WWOX: variants seen among roughly 807,000 people sequenced by gnomAD.
WWOX encodes WW domain containing oxidoreductase, also known as WW domain-containing oxidoreductase.
Under a neutral mutation model 46.2 loss-of-function variants are expected in WWOX, and 69 were observed. That is an observed-to-expected ratio of 1.49 (90% CI 1.23 to 1.82). The LOEUF (loss-of-function observed/expected upper bound fraction) is 1.82. WWOX is among the 40% of genes most tolerant of loss of function. The probability of loss-of-function intolerance (pLI) is 0.00; values close to 1 mark genes in which losing one functional copy is unlikely to be tolerated. For synonymous variants in WWOX, 359 were observed against 202.6 expected (o/e 1.77, Z -6.56); for missense variants, 919 against 542.6 (o/e 1.69, Z -6.89).
chr16:78,997,935 G>C (rs1443159563), intron 8 of WWOX, among the ~76,000 whole-genome samples: 1 of 152,002 alleles, frequency 6.6e-6, no homozygotes, highest in Non-Finnish European at 1.5e-5. Context: ...GGAGTACAAT[G>C]GCGCGATCTC....
chr16:78,424,961 C>A lies in WWOX; in HGVS notation c.697C>A (p.His233Asn), dbSNP rs757863128. 1.2e-5 allele frequency: 20 copies of A among 1,614,038 alleles called. No homozygotes were observed. The highest frequency in any genetic ancestry group is 4.0e-5 in the African/African-American group (3 of 74,916). Residue 233 changes from histidine (H) to asparagine (N), a missense_variant, in exon 7 of 9, where the codon CAT (histidine) becomes AAT (asparagine). By Grantham distance (68) the His-to-Asn change is moderately conservative. Coordinates refer to ENST00000566780, the MANE Select transcript of WWOX (RefSeq NM_016373.4). The stretch of plus-strand genomic sequence containing the variant: ...CCTGGAGACCACCTTTCAAGTGAAT[C>A]ATCTGGGGCACTTCTACCTTGTCCA... ...DGLETTFQVN[H>N]LGHFYLVQLL...
chr16:78,679,170 C>G (rs17708443), intron 8 of WWOX, among the ~76,000 whole-genome samples: 16,386 of 152,106 alleles, frequency 0.11, 1,104 homozygotes, highest in South Asian at 0.18. Flanking sequence ...CAGTGACCTG[C>G]TTTGTGAAAG....
chr16:79,089,118 T>C (rs1278967994), intron 8 of WWOX, among the ~76,000 whole-genome samples: 1 of 152,158 alleles, frequency 6.6e-6, no homozygotes, highest in Non-Finnish European at 1.5e-5. Flanking sequence ...ATGTGACTTT[T>C]CATCAGGAAG....
intron 8 of WWOX, among the ~76,000 whole-genome samples, chr16:79,180,637 T>G (rs1409586363): frequency 6.6e-6 from 1 of 150,618 alleles, no homozygotes; most frequent in Non-Finnish European, 1.5e-5. Flanking sequence ...CTTAATTTGC[T>G]TCTTTCTTTT....
chr16:78,593,374 T>G (rs765722032), intron 8 of WWOX, among the ~76,000 whole-genome samples: 2 of 152,080 alleles, frequency 1.3e-5, no homozygotes, highest in Non-Finnish European at 2.9e-5. Context: ...TAACTGACAG[T>G]TTTGTCTGCC....
chr16:79,122,531 C>G (rs191436281), intron 8 of WWOX, among the ~76,000 whole-genome samples: 54 of 151,650 alleles, frequency 3.6e-4, no homozygotes, highest in Non-Finnish European at 6.6e-4. Flanking sequence ...TTCCTTCTCT[C>G]TATCCTTCCT....
At chr16:78,802,930 AAAAAAAAAAAAAC>A (rs2050930147) in intron 8 of WWOX, among the ~76,000 whole-genome samples, 1 of 117,908 alleles carries the variant, frequency 8.5e-6, no homozygotes, top group Admixed American at 8.5e-5. Context: ...AAAAAAAAAA[AAAAAAAAAAAAAC>A]AACAAACAGA....
chr16:78,825,820 G>C lies in WWOX; in HGVS notation c.1057-385788G>C, dbSNP rs1489903825. On this transcript the variant is annotated intron_variant, in intron 8 of 8. Transcript: ENST00000566780. ...ATGTGCTGCTCAGATAGGGTTTTCT[G>C]GGCATCAAGGTGAAGGTCATGCTGC... is the stretch of plus-strand genomic sequence containing the variant. 5.0e-6 allele frequency: 3 copies of C among 594,908 alleles called. No individual in the cohort carries two copies. In the Admixed American group the frequency reaches 7.0e-5, roughly 14 times the overall value. The allele number at this position is 594,908 out of a possible 1,614,324, so 36.9% of individuals were successfully genotyped here. A position where few individuals can be genotyped will look rare whatever the true frequency, so the allele number is the denominator to read the frequency against.
At chr16:78,354,860 G>C (rs1401228804) in intron 5 of WWOX, among the ~76,000 whole-genome samples, 1 of 152,142 alleles carries the variant, frequency 6.6e-6, no homozygotes, top group African/African-American at 2.4e-5. Flanking sequence ...ACAGCCAGGG[G>C]TGGTGGTGCA....
intron 8 of WWOX, among the ~76,000 whole-genome samples, chr16:78,771,428 T>C (rs1474572600): frequency 2.0e-5 from 3 of 152,138 alleles, no homozygotes; most frequent in African/African-American, 7.2e-5. Flanking sequence ...GAAGTGATGG[T>C]TGTTCAACAT....
At chr16:78,124,097 T>C (rs2033251553) in intron 4 of WWOX, 1 of 152,186 alleles carries the variant, frequency 6.6e-6, no homozygotes, top group South Asian at 2.1e-4. Context: ...ACTTTGGCTT[T>C]ACAAAACTGC....
intron 8 of WWOX, among the ~76,000 whole-genome samples, chr16:78,749,132 A>G (rs551130630): frequency 6.6e-6 from 1 of 152,368 alleles, no homozygotes; most frequent in African/African-American, 2.4e-5. Context: ...ATAGTCCTCC[A>G]TGACCAAGGG....
At chr16:78,445,666 C>T (rs777807605) in intron 8 of WWOX, among the ~76,000 whole-genome samples, 12 of 152,122 alleles carry the variant, frequency 7.9e-5, no homozygotes, top group African/African-American at 2.7e-4. Context: ...CACTTGAGGC[C>T]GGGAGTTTGA....
intron 8 of WWOX, among the ~76,000 whole-genome samples, chr16:79,156,836 T>G (rs1489154882): frequency 6.6e-6 from 1 of 152,046 alleles, no homozygotes; most frequent in Non-Finnish European, 1.5e-5. Flanking sequence ...AAGAAGACCT[T>G]TTATTTCATC....
intron 5 of WWOX, among the ~76,000 whole-genome samples, chr16:78,232,670 G>A (rs2063000644): frequency 6.6e-6 from 1 of 152,164 alleles, no homozygotes; most frequent in Admixed American, 6.5e-5. Flanking sequence ...AAAATGGATA[G>A]TTTTAAACTT....
chr16:79,175,401 A>G (rs918327073), intron 8 of WWOX, among the ~76,000 whole-genome samples: 1 of 152,310 alleles, frequency 6.6e-6, no homozygotes, highest in African/African-American at 2.4e-5. Context: ...AGCTTTGTTC[A>G]TGTTTACACA....
intron 8 of WWOX, among the ~76,000 whole-genome samples, chr16:78,761,890 A>T (rs1486952473): frequency 2.0e-5 from 3 of 152,174 alleles, no homozygotes; most frequent in Non-Finnish European, 2.9e-5. Context: ...TTAGTTCATT[A>T]GTGCTTTATC....
intron 8 of WWOX, among the ~76,000 whole-genome samples, chr16:78,957,315 A>T (rs889203988): frequency 6.6e-6 from 1 of 152,236 alleles, no homozygotes; most frequent in South Asian, 2.1e-4. Context: ...TTAGCATCTA[A>T]TGATGCTGTT....
Position 78,996,372 on chromosome 16 carries a change from A to AC in WWOX, c.1057-215233dup, listed in dbSNP as rs1193777245. On this transcript the variant is annotated intron_variant, in intron 8 of 8. Coordinates refer to ENST00000566780, the MANE Select transcript of WWOX (RefSeq NM_016373.4). ...TAGAAAGAGTGTGAGTGAATTCTGC[A>AC]CCCACCCCCGCCCCCCAGCTTCCCC... 1.9e-3 allele frequency: 856 copies of AC among 459,550 alleles called. 3 individuals carry two copies. The Admixed American group carries it at 0.019, about 10-fold the overall frequency. 28.5% of individuals were successfully genotyped at this position (459,550 alleles called of 1,614,324 possible). A position where few individuals can be genotyped will look rare whatever the true frequency, so the allele number is the denominator to read the frequency against.
Sources: allele counts gnomAD v4.1 joint callset (sites outside exome capture counted in the v4.1 genomes callset), GRCh38; gene constraint gnomAD v4.1.1; transcripts MANE v1.5; gene names NCBI Gene and HGNC (gene_info 2026-07-23, HGNC 2026-07-21).